AGO2: variants seen among roughly 807,000 people sequenced by gnomAD.
The protein encoded by AGO2 is protein argonaute-2.
A neutral mutation model predicts 102.3 loss-of-function variants in AGO2; 5 were observed. The ratio of observed to expected loss-of-function variants is 0.05; its 90% CI spans 0.03 to 0.10. The LOEUF (loss-of-function observed/expected upper bound fraction) is 0.10, where lower values mean the gene tolerates loss of function less well. Ranked by LOEUF, AGO2 falls within the 10% of genes least tolerant of loss-of-function variation. AGO2 has a pLI of 1.00. For missense variants in AGO2, 541 were observed against 1,183.7 expected (o/e 0.46, Z 7.97); for synonymous variants, 449 against 473.1 (o/e 0.95, Z 0.66).
At position 140,556,129 on chromosome 8, in the gene AGO2, G is replaced by C. The variant is rs369160540; in HGVS notation, c.1146+38C>G. 9 of 1,613,104 alleles carry C rather than the reference G, an allele frequency of 5.6e-6. No homozygotes were observed. In the African/African-American group the frequency reaches 1.2e-4, roughly 22 times the overall value. On this transcript the variant is annotated intron_variant, in intron 9 of 18. Coordinates refer to ENST00000220592, the MANE Select transcript of AGO2 (RefSeq NM_012154.5). ...TTTCTGTGCCAGGGCAACCGGACTGGATTCCACAGGGCAGCCCTGCCCGGG... is the reference window on the plus strand; with the variant it reads ...TTTCTGTGCCAGGGCAACCGGACTGCATTCCACAGGGCAGCCCTGCCCGGG...
chr8:140,596,004 TAC>T (rs1225992045), intron 1 of AGO2, among the ~76,000 whole-genome samples: 3 of 132,012 alleles, frequency 2.3e-5, no homozygotes, highest in Non-Finnish European at 3.1e-5. Flanking sequence ...TATATATATA[TAC>T]ACACACACAC....
chr8:140,625,280 A>G (rs1232388709), intron 1 of AGO2, among the ~76,000 whole-genome samples: 1 of 152,082 alleles, frequency 6.6e-6, no homozygotes. Flanking sequence ...TAATTTTTGT[A>G]TTTTTAGTAG....
chr8:140,551,453 G>A lies in AGO2; in HGVS notation c.1270-17C>T. The A allele has an allele frequency of 6.6e-7, 1 of 1,520,730 alleles. No individual in the cohort carries two copies. Among genetic ancestry groups the A allele is most frequent in the East Asian group, 2.4e-5 (1 of 41,672 alleles). The allele number at this position is 1,520,730 out of a possible 1,614,324, so 94.2% of individuals were successfully genotyped here. On this transcript the variant is annotated splice_polypyrimidine_tract_variant and intron_variant, in intron 10 of 18. Coordinates refer to ENST00000220592, the MANE Select transcript of AGO2 (RefSeq NM_012154.5). Reference sequence around the variant, plus strand: ...AGCTTTATTCTGCAAATGGCAAAAGGTTCAGGGTGAGAAAAAAATGGAAAA... The same window carrying A: ...AGCTTTATTCTGCAAATGGCAAAAGATTCAGGGTGAGAAAAAAATGGAAAA...
intron 16 of AGO2, among the ~76,000 whole-genome samples, chr8:140,535,982 C>T (rs536673599): frequency 1.3e-5 from 2 of 152,316 alleles, no homozygotes; most frequent in African/African-American, 2.4e-5. Flanking sequence ...AGCACAAGCA[C>T]ACCGGCGCTC....
At chr8:140,568,735 C>A (rs528598582) in intron 3 of AGO2, among the ~76,000 whole-genome samples, 1 of 152,234 alleles carries the variant, frequency 6.6e-6, no homozygotes, top group Non-Finnish European at 1.5e-5. Flanking sequence ...GCACCAAAAC[C>A]AGTCCCACCC....
Position 140,575,840 on chromosome 8 carries a change from C to T in AGO2, c.216-2908G>A, listed in dbSNP as rs181324293. ...TAATTAACATGAAACAGGTTATAAA[C>T]CTAAAAGCTATAACTGAGAAATGCC... On this transcript the variant is annotated intron_variant, in intron 2 of 18. Transcript: ENST00000220592. 6.2e-3 allele frequency among the ~76,000 whole-genome samples: 948 copies of T among 152,172 alleles called. 6 individuals carry two copies. Among genetic ancestry groups the T allele is most frequent in the Admixed American group, 0.011 (161 of 15,288 alleles).
At position 140,631,212 on chromosome 8, in the gene AGO2, G is replaced by A. The variant is rs139111159; in HGVS notation, c.22+4273C>T. On this transcript the variant is annotated intron_variant, in intron 1 of 18. Transcript: ENST00000220592. The stretch of plus-strand genomic sequence containing the variant: ...AAACCATTAAAGAAAAAACGGAGGG[G>A]GAGGGGAGGCACGAATGCTCTGAAG... 2.8e-3 allele frequency among the ~76,000 whole-genome samples: 422 copies of A among 152,288 alleles called. 2 individuals carry two copies. The highest frequency in any genetic ancestry group is 9.8e-3 in the African/African-American group (406 of 41,560).
chr8:140,614,934 G>A (rs1178019167), intron 1 of AGO2, among the ~76,000 whole-genome samples: 1 of 152,218 alleles, frequency 6.6e-6, no homozygotes, highest in Non-Finnish European at 1.5e-5. Flanking sequence ...GACTTCATCT[G>A]TGTGACTCTT....
rs567735795 is a variant in AGO2, at chr8:140,540,227, G to C, written c.2035-773C>G. The stretch of plus-strand genomic sequence containing the variant: ...GCCATGGGTCTCGGGAACGAGCTCT[G>C]CTTCCGCTCTGGACTGGGAAGGCAA... On this transcript the variant is annotated intron_variant, in intron 15 of 18. Coordinates refer to ENST00000220592, the MANE Select transcript of AGO2 (RefSeq NM_012154.5). The surrounding 1 kb of genome is among the most constrained non-coding windows in gnomAD (Gnocchi z 5.0). 3.3e-5 allele frequency among the ~76,000 whole-genome samples: 5 copies of C among 152,322 alleles called. No individual in the cohort carries two copies. In the East Asian group the frequency reaches 9.7e-4, roughly 30 times the overall value.
At chr8:140,581,753 G>T (rs1412382229) in intron 2 of AGO2, among the ~76,000 whole-genome samples, 1 of 152,146 alleles carries the variant, frequency 6.6e-6, no homozygotes, top group African/African-American at 2.4e-5. Flanking sequence ...AGAAATACAT[G>T]GTTTTAGTAA....
intron 1 of AGO2, among the ~76,000 whole-genome samples, chr8:140,594,840 T>TGTGTGTGTGTGTG: frequency 6.6e-6 from 1 of 151,818 alleles, no homozygotes; most frequent in Non-Finnish European, 1.5e-5. Flanking sequence ...TGTGTGTGTG[T>TGTGTGTGTGTGTG]GTGTGTGTGT....
rs566124369 is a variant in AGO2 at position 140,529,034 on chromosome 8, G to T, written c.*3010C>A. 61 of 152,322 alleles carry T rather than the reference G, an allele frequency of 4.0e-4. 1 individual carries two copies. The highest frequency in any genetic ancestry group is 1.3e-3 in the African/African-American group (55 of 41,572). 9.4% of individuals were successfully genotyped at this position (152,322 alleles called of 1,614,324 possible). A position where few individuals can be genotyped will look rare whatever the true frequency, so the allele number is the denominator to read the frequency against. On this transcript the variant is annotated 3_prime_UTR_variant, in exon 19 of 19. Transcript: ENST00000220592. ...CGAATTGGGAGACCTCTTTTAAAGA[G>T]ATGAGATAAAATCCCAGTTTTTCTT...
At position 140,556,162 on chromosome 8, in the gene AGO2, C is replaced by A; in HGVS notation, c.1146+5G>T. 6.2e-7 allele frequency: 1 copy of A among 1,614,206 alleles called. No individual in the cohort carries two copies. The highest frequency in any genetic ancestry group is 8.5e-7 in the Non-Finnish European group (1 of 1,180,020). On this transcript the variant is annotated splice_donor_5th_base_variant and intron_variant, in intron 9 of 18. Transcript: ENST00000220592. ...AGGGCAGCCCTGCCCGGGACTGACA[C>A]TCACCAATTTGCTAATCTCTTCTTG...
chr8:140,585,367 TTCCCATCCCGCGGCCCC>T, intron 1 of AGO2, 56 bp from the exon 2 acceptor site: 1 of 1,567,014 alleles, frequency 6.4e-7, no homozygotes, highest in South Asian at 1.2e-5. Context: ...TCTGCGGCCC[TTCCCATCCCGCGGCCCC>T]AAGCCACTAT....
At chr8:140,596,298 G>A (rs2073842432) in intron 1 of AGO2, among the ~76,000 whole-genome samples, 1 of 152,154 alleles carries the variant, frequency 6.6e-6, no homozygotes, top group African/African-American at 2.4e-5. Context: ...GAAAACAGAA[G>A]CTGGCTGGGT....
chr8:140,611,199 C>G (rs1346283590), intron 1 of AGO2, among the ~76,000 whole-genome samples: 1 of 152,216 alleles, frequency 6.6e-6, no homozygotes, highest in Non-Finnish European at 1.5e-5. Flanking sequence ...CGATGGCAGG[C>G]AGTACCCTCA....
upstream of AGO2, among the ~76,000 whole-genome samples, chr8:140,635,824 G>A (rs1487321982): frequency 1.4e-5 from 2 of 144,276 alleles, no homozygotes; most frequent in African/African-American, 5.0e-5. Flanking sequence ...GGTCTGGCGG[G>A]GCCTGGGGCG....
At position 140,589,615 on chromosome 8, in the gene AGO2, A is replaced by G. The variant is rs1348789374; in HGVS notation, c.23-4304T>C. ...ATGGTCCTCCTAGAACTCTGCATTC[A>G]TTACACTGGGCATCAGCCAGAAAAC... On this transcript the variant is annotated intron_variant, in intron 1 of 18. Coordinates refer to ENST00000220592, the MANE Select transcript of AGO2 (RefSeq NM_012154.5). The surrounding 1 kb of genome is among the most constrained non-coding windows in gnomAD (Gnocchi z 4.2). Among the ~76,000 whole-genome samples, 1 of 152,194 alleles carries G rather than the reference A, an allele frequency of 6.6e-6. No homozygotes were observed. The highest frequency in any genetic ancestry group is 1.5e-5 in the Non-Finnish European group (1 of 68,034).
chr8:140,618,228 G>A (rs1018158404), intron 1 of AGO2, among the ~76,000 whole-genome samples: 25 of 152,024 alleles, frequency 1.6e-4, no homozygotes, highest in African/African-American at 5.6e-4. Context: ...GCTAAGGCAG[G>A]AGAATCGCTT....
Sources: allele counts gnomAD v4.1 joint callset (sites outside exome capture counted in the v4.1 genomes callset), GRCh38; gene constraint gnomAD v4.1.1; non-coding constraint Gnocchi (gnomAD v3.1); transcripts MANE v1.5; gene names NCBI Gene and HGNC (gene_info 2026-07-23, HGNC 2026-07-21).